The following DMD variants were observed in gnomAD, a reference collection of about 807,000 sequenced individuals.
DMD encodes mutant dystrophin.
In DMD, 63 loss-of-function variants were observed where a neutral mutation model predicts 330.1. The observed-to-expected ratio is 0.19, with a 90% CI of 0.16 to 0.24. The LOEUF (loss-of-function observed/expected upper bound fraction) is 0.24. Among genes scored for constraint, DMD ranks in the 10% least tolerant of loss-of-function variants. The probability of loss-of-function intolerance (pLI) is 1.00; values close to 1 mark genes in which losing one functional copy is unlikely to be tolerated. For missense variants in DMD, 3,344 were observed against 2,684.1 expected (o/e 1.25, Z -5.43); for synonymous variants, 1,223 against 959.8 (o/e 1.27, Z -5.07).
intron 41 of DMD, among the ~76,000 whole-genome samples, chrX:32,324,097 A>T (rs893611197): frequency 9.0e-6 from 1 of 110,996 alleles, no homozygotes; most frequent in African/African-American, 3.3e-5. Context: ...TAGGGTGACT[A>T]TAATCAACAA....
chrX:32,748,605 G>C (rs952678154), intron 7 of DMD, among the ~76,000 whole-genome samples: 12 of 111,542 alleles, frequency 1.1e-4, no homozygotes, highest in Non-Finnish European at 2.1e-4. Flanking sequence ...TTATTAAAGG[G>C]AAATTAAGAA....
chrX:31,255,208 G>A (rs773814406), intron 63 of DMD, among the ~76,000 whole-genome samples: 5 of 111,227 alleles, frequency 4.5e-5, no homozygotes, highest in Non-Finnish European at 7.5e-5. Context: ...CCACATAATT[G>A]CACTTCATGT....
intron 1 of DMD, among the ~76,000 whole-genome samples, chrX:33,203,318 AC>A (rs2051385690): frequency 2.7e-5 from 3 of 112,323 alleles, no homozygotes; most frequent in African/African-American, 9.7e-5. Context: ...AATGTTTTAC[AC>A]TGAAGGCTCA....
chrX:32,699,296 G>A lies in DMD; in HGVS notation c.650-3C>T, dbSNP rs1603151968. ...ATCTGGATAGGTGGTATCAACATCTGTAAGCACATTAACACTACACATCAA... is the reference window on the plus strand; with the variant it reads ...ATCTGGATAGGTGGTATCAACATCTATAAGCACATTAACACTACACATCAA... On this transcript the variant is annotated splice_polypyrimidine_tract_variant and splice_region_variant and intron_variant, in intron 7 of 78. Coordinates refer to ENST00000357033, the MANE Select transcript of DMD (RefSeq NM_004006.3). The A allele has an allele frequency of 8.4e-7, 1 of 1,193,457 alleles. No homozygotes were observed. The highest frequency in any genetic ancestry group is 1.1e-6 in the Non-Finnish European group (1 of 879,218).
chrX:32,815,516 T>TAC (rs1231062329), intron 6 of DMD, among the ~76,000 whole-genome samples: 6 of 47,333 alleles, frequency 1.3e-4, no homozygotes, highest in African/African-American at 2.3e-4. Context: ...TATATATATA[T>TAC]ATATACACAC....
intron 1 of DMD, among the ~76,000 whole-genome samples, chrX:33,119,128 G>A (rs2095407804): frequency 8.9e-6 from 1 of 112,179 alleles, no homozygotes; most frequent in Non-Finnish European, 1.9e-5. Flanking sequence ...TTACTTCCTT[G>A]AACTTTATTG....
chrX:32,801,664 C>A (rs1368237139), intron 7 of DMD, among the ~76,000 whole-genome samples: 1 of 111,815 alleles, frequency 8.9e-6, no homozygotes, highest in African/African-American at 3.3e-5. Flanking sequence ...AGTCTTTAAT[C>A]CATCTTGAGT....
intron 51 of DMD, among the ~76,000 whole-genome samples, chrX:31,739,833 T>C (rs1406693510): frequency 5.4e-5 from 4 of 74,559 alleles, no homozygotes; most frequent in African/African-American, 1.5e-4. Context: ...AAAAAGAGCA[T>C]AGTAATCTCA....
At chrX:32,523,215 C>T (rs2046612163) in intron 17 of DMD, among the ~76,000 whole-genome samples, 1 of 111,116 alleles carries the variant, frequency 9.0e-6, no homozygotes, top group African/African-American at 3.3e-5. Flanking sequence ...AACTAAAGAA[C>T]ACTGGAAGGC....
chrX:32,944,596 A>G (rs1186358724), intron 2 of DMD, among the ~76,000 whole-genome samples: 3 of 101,902 alleles, frequency 2.9e-5, no homozygotes, highest in African/African-American at 1.1e-4. Flanking sequence ...GTTTGTATAG[A>G]CTTTTAGTAG....
intron 52 of DMD, among the ~76,000 whole-genome samples, chrX:31,727,565 C>T (rs1396386832): frequency 1.8e-5 from 2 of 111,973 alleles, no homozygotes; most frequent in Non-Finnish European, 3.8e-5. Context: ...CCATTAAATG[C>T]ATATGAGTCT....
intron 56 of DMD, among the ~76,000 whole-genome samples, chrX:31,502,715 A>G (rs989277061): frequency 1.8e-5 from 2 of 111,900 alleles, no homozygotes; most frequent in African/African-American, 6.5e-5. Flanking sequence ...ATATACAATG[A>G]TCTGGAAAAA....
chrX:32,579,209 A>G (rs916439333), intron 13 of DMD, among the ~76,000 whole-genome samples: 1 of 112,106 alleles, frequency 8.9e-6, no homozygotes, highest in African/African-American at 3.2e-5. Flanking sequence ...TCACTGTATA[A>G]CATATGGTAC....
At chrX:33,336,254 TG>T (rs2148968116) in intron 1 of DMD, among the ~76,000 whole-genome samples, 1 of 23,408 alleles carries the variant, frequency 4.3e-5, no homozygotes, top group Non-Finnish European at 7.2e-5. Flanking sequence ...TTCCAAAGCG[TG>T]TGTGTGTGTG....
At chrX:32,443,018 T>C (rs1408512866) in intron 27 of DMD, among the ~76,000 whole-genome samples, 3 of 110,772 alleles carry the variant, frequency 2.7e-5, no homozygotes, top group African/African-American at 6.5e-5. Context: ...TTATGTCTAT[T>C]GGGGAAAAGA....
intron 54 of DMD, among the ~76,000 whole-genome samples, chrX:31,637,127 GAATT>G (rs747708756): frequency 2.1e-4 from 24 of 111,965 alleles, no homozygotes; most frequent in African/African-American, 6.1e-4. Flanking sequence ...ACTGAACGAT[GAATT>G]AATTTGTCGA....
At chrX:31,454,853 A>C (rs183002967) in intron 59 of DMD, among the ~76,000 whole-genome samples, 126 of 110,865 alleles carry the variant, frequency 1.1e-3, no homozygotes, top group African/African-American at 4.0e-3. Context: ...CCTGGGCTCA[A>C]GCGATCCTCC....
At chrX:31,454,585 T>C (rs1444270043) in intron 59 of DMD, among the ~76,000 whole-genome samples, 1 of 111,703 alleles carries the variant, frequency 9.0e-6, no homozygotes, top group Non-Finnish European at 1.9e-5. Context: ...CACACAATAG[T>C]GTGCATCTCA....
intron 7 of DMD, among the ~76,000 whole-genome samples, chrX:32,759,324 A>T (rs1048977967): frequency 3.6e-5 from 4 of 111,924 alleles, no homozygotes; most frequent in African/African-American, 1.3e-4. Flanking sequence ...TTAATCCTGT[A>T]GACAAAATGT....
Sources: gnomAD v4.1 joint callset for allele counts (sites outside exome capture counted in the v4.1 genomes callset) on GRCh38, gnomAD v4.1.1 for gene constraint, MANE v1.5 for transcripts, NCBI Gene and HGNC (gene_info 2026-07-23, HGNC 2026-07-21) for gene names.